The following PRMT8 variants were observed in gnomAD, a reference collection of about 807,000 sequenced individuals.
The protein encoded by PRMT8 is protein arginine N-methyltransferase 8.
PRMT8 carries 7 observed loss-of-function variants against 47.1 expected under a neutral mutation model. The observed-to-expected ratio is 0.15, with a 90% CI of 0.08 to 0.28. The LOEUF is 0.28. Ranked by LOEUF, PRMT8 falls within the 10% of genes least tolerant of loss-of-function variation. The pLI, the probability that PRMT8 is intolerant of heterozygous loss-of-function variation, is 1.00. For missense variants in PRMT8, 237 were observed against 505.4 expected, an observed-to-expected ratio of 0.47 and a Z score of 5.09; for synonymous variants, 188 against 186.5, an observed-to-expected ratio of 1.01 and a Z score of -0.07.
intron 1 of PRMT8, among the ~76,000 whole-genome samples, chr12:3,442,570 G>T (rs186531765): frequency 6.6e-6 from 1 of 152,292 alleles, no homozygotes; most frequent in Non-Finnish European, 1.5e-5. Context: ...AAGAGAATGG[G>T]GTACCAGGGC....
chr12:3,575,017 T>C (rs1056999257), intron 6 of PRMT8, among the ~76,000 whole-genome samples: 10 of 152,208 alleles, frequency 6.6e-5, no homozygotes, highest in African/African-American at 1.9e-4. Flanking sequence ...ACCTGCCCTG[T>C]TGCCAACTAA....
intron 3 of PRMT8, 177 bp from the exon 4 acceptor site, chr12:3,553,474 G>A (rs913261157): frequency 2.2e-5 from 14 of 623,676 alleles, no homozygotes; most frequent in Non-Finnish European, 2.9e-5. Context: ...GTGGAAGGCC[G>A]CTGGCCTTGA....
intron 1 of PRMT8, among the ~76,000 whole-genome samples, chr12:3,474,098 C>T (rs1865185713): frequency 6.6e-6 from 1 of 152,196 alleles, no homozygotes; most frequent in Non-Finnish European, 1.5e-5. Flanking sequence ...TTGGCTCATG[C>T]CCTGCCCTCC....
intron 1 of PRMT8, among the ~76,000 whole-genome samples, chr12:3,434,709 G>T (rs1418247879): frequency 1.3e-5 from 2 of 151,514 alleles, no homozygotes; most frequent in African/African-American, 2.4e-5. Flanking sequence ...TGGTGGGTGT[G>T]TGTTGGAGGG....
chr12:3,568,650 T>G, intron 4 of PRMT8, 56 bp from the exon 5 acceptor site: 1 of 1,606,262 alleles, frequency 6.2e-7, no homozygotes, highest in Non-Finnish European at 8.5e-7. Context: ...GTGAGGTGCT[T>G]GTGGTTCCTG....
intron 1 of PRMT8, among the ~76,000 whole-genome samples, chr12:3,411,573 C>T (rs561743903): frequency 3.9e-5 from 6 of 152,336 alleles, no homozygotes; most frequent in African/African-American, 1.4e-4. Flanking sequence ...GTAATATGTG[C>T]TGTGGTTTGA....
chr12:3,578,880 G>A (rs1866999411), intron 7 of PRMT8, among the ~76,000 whole-genome samples: 1 of 152,196 alleles, frequency 6.6e-6, no homozygotes, highest in Non-Finnish European at 1.5e-5. Context: ...GACCCCATCA[G>A]ATGCCCCCTC....
intron 6 of PRMT8, among the ~76,000 whole-genome samples, chr12:3,571,392 C>G (rs1202118486): frequency 6.6e-6 from 1 of 152,234 alleles, no homozygotes; most frequent in Non-Finnish European, 1.5e-5. Context: ...GTACATTCTT[C>G]ATTGTCAAGT....
chr12:3,465,158 T>TA (rs5796052), intron 1 of PRMT8, among the ~76,000 whole-genome samples: 1 of 141,922 alleles, frequency 7.0e-6, no homozygotes, highest in African/African-American at 2.6e-5. Flanking sequence ...AATTTTTTTA[T>TA]AAAAAAATAT....
chr12:3,592,262 G>T lies in PRMT8; in HGVS notation c.1011G>T (p.Gln337His), dbSNP rs908260127. 2 of 1,594,194 alleles carry T rather than the reference G, an allele frequency of 1.3e-6. No individual in the cohort carries two copies. Among genetic ancestry groups the T allele is most frequent in the African/African-American group, 2.7e-5 (2 of 73,738 alleles). Reference protein sequence around the residue: ...APDAPYTHWKQTVFYLEDYLT... With the variant: ...APDAPYTHWKHTVFYLEDYLT... Reference sequence around the variant, plus strand: ...ATGCTCCCTACACCCACTGGAAGCAGACCGTCTTCTACTTGGAAGATTACC... The same window carrying T: ...ATGCTCCCTACACCCACTGGAAGCATACCGTCTTCTACTTGGAAGATTACC... The change falls in exon 9 of 10, where the codon CAG becomes CAT. Residue 337 changes from glutamine (Q) to histidine (H), a missense_variant. By Grantham distance (24) the Gln-to-His change is conservative. Transcript: ENST00000382622.
At chr12:3,495,449 CCTT>C (rs1865490741) in intron 1 of PRMT8, among the ~76,000 whole-genome samples, 1 of 152,200 alleles carries the variant, frequency 6.6e-6, no homozygotes. Context: ...GGTCTTTCCT[CCTT>C]CTTCTCTCTG....
At position 3,540,620 on chromosome 12, in the gene PRMT8, C is replaced by CCA; in HGVS notation, c.90_91insCA (p.Ser31HisfsTer36). The CCA allele has an allele frequency of 3.0e-5, 37 of 1,231,756 alleles. No homozygotes were observed. The highest frequency in any genetic ancestry group is 4.2e-5 in the Non-Finnish European group (35 of 842,256). The allele number at this position is 1,231,756 out of a possible 1,614,324, so 76.3% of individuals were successfully genotyped here. On this transcript the variant is annotated frameshift_variant, in exon 2 of 10. Coordinates refer to ENST00000382622, the MANE Select transcript of PRMT8 (RefSeq NM_019854.5). LOFTEE classifies it high-confidence loss of function. ...CTTCCCCTCAGGTGAACAGCCCCCC[C>CCA]TCCCAGCCCCCCCAGCCCGTCGTCC...
chr12:3,560,292 C>T (rs986717344), intron 4 of PRMT8, among the ~76,000 whole-genome samples: 4 of 152,246 alleles, frequency 2.6e-5, no homozygotes, highest in East Asian at 1.9e-4. Flanking sequence ...AATAACAACA[C>T]GGGGCATAGA....
chr12:3,477,580 C>T (rs1865225922), intron 1 of PRMT8, among the ~76,000 whole-genome samples: 1 of 152,240 alleles, frequency 6.6e-6, no homozygotes, highest in South Asian at 2.1e-4. Context: ...AAGATACCCT[C>T]CTCTGCCTCC....
chr12:3,467,764 T>C (rs2137092717), intron 1 of PRMT8, among the ~76,000 whole-genome samples: 1 of 152,310 alleles, frequency 6.6e-6, no homozygotes, highest in Non-Finnish European at 1.5e-5. Flanking sequence ...GCAAATCTGA[T>C]CAGATCACCA....
chr12:3,384,344 A>G (rs895528666), intron 1 of PRMT8, among the ~76,000 whole-genome samples: 2 of 150,642 alleles, frequency 1.3e-5, no homozygotes, highest in Admixed American at 6.6e-5. Context: ...TGCTATGATC[A>G]TGTTTTTGTT....
chr12:3,496,214 A>ATATATATATATATATT, intron 1 of PRMT8, among the ~76,000 whole-genome samples: 2 of 27,774 alleles, frequency 7.2e-5, no homozygotes, highest in African/African-American at 8.8e-5. Flanking sequence ...ATATATATAT[A>ATATATATATATATATT]TTTTTTTTTT....
intron 1 of PRMT8, among the ~76,000 whole-genome samples, chr12:3,460,326 T>G (rs1322107349): frequency 6.6e-6 from 1 of 152,176 alleles, no homozygotes; most frequent in Non-Finnish European, 1.5e-5. Context: ...AAGAGTAACT[T>G]TGTGAATACA....
chr12:3,520,447 A>C (rs912096341), intron 1 of PRMT8, among the ~76,000 whole-genome samples: 4 of 152,230 alleles, frequency 2.6e-5, no homozygotes, highest in Admixed American at 2.0e-4. Flanking sequence ...CACGTTTCCC[A>C]GTGCACCCTG....
Sources: gnomAD v4.1 joint callset for allele counts (sites outside exome capture counted in the v4.1 genomes callset) on GRCh38, gnomAD v4.1.1 for gene constraint, MANE v1.5 for transcripts, NCBI Gene and HGNC (gene_info 2026-07-23, HGNC 2026-07-21) for gene names.